The following CCSER1 variants were observed in gnomAD, a reference collection of about 807,000 sequenced individuals.
CCSER1 encodes coiled-coil serine rich protein 1, also known as serine-rich coiled-coil domain-containing protein 1.
CCSER1 carries 41 observed loss-of-function variants against 82.0 expected under a neutral mutation model. The ratio of observed to expected loss-of-function variants is 0.50; its 90% CI spans 0.39 to 0.65. CCSER1 has a LOEUF of 0.65. Among genes scored for constraint, CCSER1 ranks in the 30% least tolerant of loss-of-function variants. CCSER1 has a pLI of 0.00. For missense variants in CCSER1, 1,119 were observed against 1,064.2 expected, an observed-to-expected ratio of 1.05 and a Z score of -0.72; for synonymous variants, 414 against 383.9, an observed-to-expected ratio of 1.08 and a Z score of -0.92.
chr4:91,136,728 T>G (rs2148919453), intron 10 of CCSER1, among the ~76,000 whole-genome samples: 1 of 152,252 alleles, frequency 6.6e-6, no homozygotes, highest in Non-Finnish European at 1.5e-5. Context: ...TAAAGATAGG[T>G]TTTATCAAAA....
At chr4:91,041,360 A>G (rs1741941213) in intron 9 of CCSER1, among the ~76,000 whole-genome samples, 4 of 152,230 alleles carry the variant, frequency 2.6e-5, no homozygotes, top group African/African-American at 9.6e-5. Context: ...TAGAAATGGC[A>G]AATTATGTAA....
In CCSER1 at chr4:90,555,115, T is replaced by C. The variant is rs575901459; in HGVS notation, c.1725-72910T>C. On this transcript the variant is annotated intron_variant, in intron 5 of 10. Transcript: ENST00000509176. The stretch of plus-strand genomic sequence containing the variant: ...AAAAATATGTTAAACATAAAATTCA[T>C]TTTTTTTTCATTTGGGGTCTTCATT... 2.1e-3 allele frequency among the ~76,000 whole-genome samples: 318 copies of C among 149,014 alleles called. 1 individual carries two copies. The highest frequency in any genetic ancestry group is 7.8e-3 in the African/African-American group (310 of 39,990).
At chr4:90,957,258 C>T (rs1165431809) in intron 9 of CCSER1, among the ~76,000 whole-genome samples, 5 of 145,836 alleles carry the variant, frequency 3.4e-5, no homozygotes, top group African/African-American at 5.0e-5. Context: ...CCCCCCACCA[C>T]GTCCAGCTAA....
intron 3 of CCSER1, among the ~76,000 whole-genome samples, chr4:90,373,661 TG>T (rs1359520102): frequency 6.6e-6 from 1 of 152,174 alleles, no homozygotes; most frequent in Non-Finnish European, 1.5e-5. Flanking sequence ...TGCATAATTT[TG>T]GGGGAACATT....
chr4:90,327,759 C>A (rs750541653), intron 3 of CCSER1, among the ~76,000 whole-genome samples: 5 of 152,116 alleles, frequency 3.3e-5, no homozygotes, highest in African/African-American at 4.8e-5. Context: ...GCCAGTGGGA[C>A]CCCCTGGTTG....
chr4:91,407,056 C>T (rs966712318), intron 10 of CCSER1, among the ~76,000 whole-genome samples: 19 of 152,082 alleles, frequency 1.2e-4, no homozygotes, highest in Non-Finnish European at 1.3e-4. Flanking sequence ...CCCTTTAACC[C>T]TTCTTGCTTT....
Position 90,474,592 on chromosome 4 carries a change from G to A in CCSER1, c.1724+6238G>A, listed in dbSNP as rs145008433. On this transcript the variant is annotated intron_variant, in intron 5 of 10. Transcript: ENST00000509176. ...TGAAAGTTTGAAATCAGCCATGGTG[G>A]GTGTATTTACATCATAGCATTGGGA... is the stretch of plus-strand genomic sequence containing the variant. Among the ~76,000 whole-genome samples the A allele has an allele frequency of 3.9e-3, 590 of 152,222 alleles. 2 individuals carry two copies. Among genetic ancestry groups the A allele is most frequent in the African/African-American group, 0.013 (540 of 41,536 alleles).
chr4:91,380,937 G>T (rs1750840341), intron 10 of CCSER1, among the ~76,000 whole-genome samples: 1 of 152,120 alleles, frequency 6.6e-6, no homozygotes, highest in South Asian at 2.1e-4. Flanking sequence ...TATAGGACAG[G>T]CCTAGTGGTG....
intron 10 of CCSER1, among the ~76,000 whole-genome samples, chr4:91,423,059 A>C (rs1753767789): frequency 6.6e-6 from 1 of 152,160 alleles, no homozygotes; most frequent in South Asian, 2.1e-4. Flanking sequence ...TTTATATGGC[A>C]TGAAAATGCA....
chr4:90,813,583 T>G (rs935139007), intron 7 of CCSER1, among the ~76,000 whole-genome samples: 1 of 152,178 alleles, frequency 6.6e-6, no homozygotes, highest in Non-Finnish European at 1.5e-5. Flanking sequence ...CTCGTGATTG[T>G]GCATAAGTCT....
intron 10 of CCSER1, among the ~76,000 whole-genome samples, chr4:91,449,274 A>C (rs1269093905): frequency 2.6e-5 from 4 of 151,990 alleles, no homozygotes. Flanking sequence ...TTAGTCCACT[A>C]ATTAGGGTTG....
chr4:91,443,850 T>C (rs762024263), intron 10 of CCSER1, among the ~76,000 whole-genome samples: 19 of 151,248 alleles, frequency 1.3e-4, no homozygotes, highest in Non-Finnish European at 2.7e-4. Context: ...ATTTAACAAT[T>C]CAGAATAATT....
At chr4:90,918,518 C>A (rs1727861891) in intron 8 of CCSER1, among the ~76,000 whole-genome samples, 1 of 151,792 alleles carries the variant, frequency 6.6e-6, no homozygotes. Flanking sequence ...TGATTTCTAC[C>A]ACATTTCCTC....
At chr4:91,460,728 A>G (rs1366098406) in intron 10 of CCSER1, among the ~76,000 whole-genome samples, 1 of 152,206 alleles carries the variant, frequency 6.6e-6, no homozygotes, top group Non-Finnish European at 1.5e-5. Flanking sequence ...CGTGAAAGCC[A>G]GGTGGTAAAA....
intron 10 of CCSER1, among the ~76,000 whole-genome samples, chr4:91,327,198 C>T (rs974008954): frequency 2.0e-5 from 3 of 152,214 alleles, no homozygotes; most frequent in African/African-American, 7.2e-5. Flanking sequence ...TAGAGTTTCT[C>T]CGTGAGGGCT....
At chr4:91,571,335 C>T (rs1288679726) in intron 10 of CCSER1, among the ~76,000 whole-genome samples, 3 of 152,192 alleles carry the variant, frequency 2.0e-5, no homozygotes, top group Non-Finnish European at 4.4e-5. Context: ...TTTTTGGTAT[C>T]GTTATAGCAG....
chr4:90,530,883 T>A (rs570792526), intron 5 of CCSER1, among the ~76,000 whole-genome samples: 1 of 152,290 alleles, frequency 6.6e-6, no homozygotes, highest in African/African-American at 2.4e-5. Flanking sequence ...TGCAACCACC[T>A]TGTGCTACTC....
rs116159984 is a variant in CCSER1, at chr4:91,210,316, G to C, written c.2217+124322G>C. ...ACCCATTGAAGATATGGGAAACCAT[G>C]AATCTATGCTGCTATCAGTAAATAA... On this transcript the variant is annotated intron_variant, in intron 10 of 10. Transcript: ENST00000509176. 4.8e-3 allele frequency among the ~76,000 whole-genome samples: 729 copies of C among 151,036 alleles called. 4 individuals are homozygous for C. Among genetic ancestry groups the C allele is most frequent in the African/African-American group, 0.016 (679 of 41,340 alleles).
chr4:90,691,659 G>A (rs564221576), intron 6 of CCSER1, among the ~76,000 whole-genome samples: 45 of 150,854 alleles, frequency 3.0e-4, no homozygotes, highest in African/African-American at 1.0e-3. Context: ...ATACACACAT[G>A]CATATGTACG....
Sources: allele counts gnomAD v4.1 joint callset (sites outside exome capture counted in the v4.1 genomes callset), GRCh38; gene constraint gnomAD v4.1.1; transcripts MANE v1.5; gene names NCBI Gene and HGNC (gene_info 2026-07-23, HGNC 2026-07-21).